The following ZNF517 variants were observed in gnomAD, a reference collection of about 807,000 sequenced individuals.
ZNF517 encodes the protein zinc finger protein 517.
In ZNF517, 12 loss-of-function variants were observed where a neutral mutation model predicts 12.1. That is an observed-to-expected ratio of 0.99 (90% CI 0.63 to 1.61). The LOEUF (loss-of-function observed/expected upper bound fraction) is 1.61. ZNF517 is among the 40% of genes most tolerant of loss of function. The pLI, the probability that ZNF517 is intolerant of heterozygous loss-of-function variation, is 0.00. For synonymous variants in ZNF517, 388 were observed against 310.2 expected, an observed-to-expected ratio of 1.25 and a Z score of -2.63; for missense variants, 781 against 693.2, an observed-to-expected ratio of 1.13 and a Z score of -1.42.
At chr8:144,799,370 G>T (rs923315928) in intron 1 of ZNF517, among the ~76,000 whole-genome samples, 15 of 152,216 alleles carry the variant, frequency 9.9e-5, no homozygotes, top group African/African-American at 3.4e-4. Context: ...CCCTCCCCGG[G>T]TTGGGGCATT....
chr8:144,808,499 C>G lies in ZNF517; in HGVS notation c.*104C>G. On this transcript the variant is annotated 3_prime_UTR_variant, in exon 5 of 5. Transcript: ENST00000359971. The stretch of plus-strand genomic sequence containing the variant: ...CCCTGTCCTGAAGGTGAAGCAAAGT[C>G]TAAAGAAAGGGCCAGCTCCCATCAG... 3 of 1,369,126 alleles carry G rather than the reference C, an allele frequency of 2.2e-6. No individual in the cohort carries two copies. Among genetic ancestry groups the G allele is most frequent in the Non-Finnish European group, 2.8e-6 (3 of 1,060,454 alleles). 84.8% of individuals were successfully genotyped at this position (1,369,126 alleles called of 1,614,324 possible).
Position 144,802,863 on chromosome 8 carries a change from C to T in ZNF517, c.-45-7C>T, listed in dbSNP as rs781509713. 4.3e-6 allele frequency: 7 copies of T among 1,613,356 alleles called. No homozygotes were observed. Among genetic ancestry groups the T allele is most frequent in the South Asian group, 3.3e-5 (3 of 91,046 alleles). Reference sequence around the variant, plus strand: ...CTCTTTCCACTCATGGCTCTATGTTCCCTCAGAATTCACTGTCTGTAGCAT... The same window carrying T: ...CTCTTTCCACTCATGGCTCTATGTTTCCTCAGAATTCACTGTCTGTAGCAT... On this transcript the variant is annotated splice_region_variant and splice_polypyrimidine_tract_variant and intron_variant, in intron 1 of 4. Transcript: ENST00000359971.
At chr8:144,811,228 C>T (rs1827545829), downstream of ZNF517, 2 of 152,478 alleles carry the variant, frequency 1.3e-5, no homozygotes, top group Non-Finnish European at 1.5e-5. Context: ...TCTGTGGACC[C>T]TGTTCACAGA....
At position 144,807,580 on chromosome 8, in the gene ZNF517, C is replaced by G. The variant is rs1020018402; in HGVS notation, c.664C>G (p.Arg222Gly). ...CTTCAAGCAAAGCTCCATCCTGCTG[C>G]GGCACCAGCTGATCCACACTGAGGA... ...KAFKQSSILL[R>G]HQLIHTEEKP... Residue 222 changes from arginine (R) to glycine (G), a missense_variant, in exon 5 of 5, where the codon CGG (arginine) becomes GGG (glycine). Arg to Gly is a moderately radical substitution (Grantham distance 125, BLOSUM62 -2). Coordinates refer to ENST00000359971, the MANE Select transcript of ZNF517 (RefSeq NM_213605.3). The G allele has an allele frequency of 1.9e-6, 3 of 1,602,396 alleles. No individual in the cohort carries two copies. Among genetic ancestry groups the G allele is most frequent in the Non-Finnish European group, 2.6e-6 (3 of 1,175,218 alleles).
At chr8:144,805,330 T>G (rs935190813) in intron 4 of ZNF517, among the ~76,000 whole-genome samples, 14 of 152,162 alleles carry the variant, frequency 9.2e-5, no homozygotes, top group Admixed American at 2.0e-4. Flanking sequence ...GAACAGAGAT[T>G]ATTATTATTA....
Position 144,804,151 on chromosome 8 carries a change from A to T in ZNF517, c.187A>T (p.Ile63Phe), listed in dbSNP as rs200354553. 1 of 1,614,088 alleles carries T rather than the reference A, an allele frequency of 6.2e-7. No homozygotes were observed. Among genetic ancestry groups the T allele is most frequent in the Non-Finnish European group, 8.5e-7 (1 of 1,179,976 alleles). The change falls in exon 4 of 5, where the codon ATC (isoleucine) becomes TTC (phenylalanine). Residue 63 changes from isoleucine to phenylalanine, a missense_variant. Transcript: ENST00000359971. ...LGFLVAKPAL[I>F]SLLEQGEEPG... ...CTTTCTTGTTGCCAAACCAGCACTGATCTCCCTATTGGAGCAAGGAGAGGA... is the reference window on the plus strand; with the variant it reads ...CTTTCTTGTTGCCAAACCAGCACTGTTCTCCCTATTGGAGCAAGGAGAGGA...
downstream of ZNF517, among the ~76,000 whole-genome samples, chr8:144,813,488 C>T (rs1328735963): frequency 6.6e-6 from 1 of 151,992 alleles, no homozygotes; most frequent in Non-Finnish European, 1.5e-5. Flanking sequence ...AAGCAATTTA[C>T]AGATTAAATG....
In ZNF517 at chr8:144,806,324, T is replaced by G. The variant is rs1324929671; in HGVS notation, c.275-867T>G. Among the ~76,000 whole-genome samples, 6 of 152,280 alleles carry G rather than the reference T, an allele frequency of 3.9e-5. No individual in the cohort carries two copies. In the East Asian group the frequency reaches 1.2e-3, roughly 29 times the overall value. ...GAGAGAGGAGTAAAGAACATGGCTG[T>G]GGGGTGAGGTACAACTTGCACCTCA... On this transcript the variant is annotated intron_variant, in intron 4 of 4. Transcript: ENST00000359971.
intron 1 of ZNF517, among the ~76,000 whole-genome samples, chr8:144,802,073 CAT>C (rs1488811589): frequency 6.6e-6 from 1 of 152,156 alleles, no homozygotes; most frequent in Admixed American, 6.6e-5. Context: ...AGGAACCACT[CAT>C]AATTCTATGA....
intron 1 of ZNF517, among the ~76,000 whole-genome samples, chr8:144,802,086 C>T (rs965698395): frequency 2.0e-4 from 31 of 152,164 alleles, no homozygotes; most frequent in African/African-American, 6.3e-4. Flanking sequence ...AATTCTATGA[C>T]GCAGAGAGAG....
chr8:144,806,505 CA>C (rs35022654), intron 4 of ZNF517, among the ~76,000 whole-genome samples: 11,878 of 152,082 alleles, frequency 0.078, 1,039 homozygotes, highest in African/African-American at 0.21. Context: ...TTTTTTGAGA[CA>C]AGAGTTTTGC....
At position 144,804,114 on chromosome 8, in the gene ZNF517, T is replaced by G; in HGVS notation, c.161-11T>G. The G allele has an allele frequency of 6.2e-7, 1 of 1,613,360 alleles. No homozygotes were observed. The highest frequency in any genetic ancestry group is 1.1e-5 in the South Asian group (1 of 90,952). On this transcript the variant is annotated splice_polypyrimidine_tract_variant and intron_variant, in intron 3 of 4. Transcript: ENST00000359971. Reference sequence around the variant, plus strand: ...GTACTGATACGTGCTGCTTTCCTTCTCTGAGCTTAGGCTTTCTTGTTGCCA... The same window carrying G: ...GTACTGATACGTGCTGCTTTCCTTCGCTGAGCTTAGGCTTTCTTGTTGCCA...
downstream of ZNF517, among the ~76,000 whole-genome samples, chr8:144,811,462 C>A (rs2955217): frequency 5.3e-5 from 7 of 131,936 alleles, no homozygotes; most frequent in African/African-American, 2.1e-4. Context: ...GGGAGAGACA[C>A]CGACAGTAAA....
Position 144,804,184 on chromosome 8 carries a change from G to C in ZNF517, c.220G>C (p.Ala74Pro). 6.2e-7 allele frequency: 1 copy of C among 1,614,138 alleles called. No individual in the cohort carries two copies. Among genetic ancestry groups the C allele is most frequent in the Non-Finnish European group, 8.5e-7 (1 of 1,179,996 alleles). The part of the protein sequence containing the change: ...SLLEQGEEPG[A>P]LILQVAEQSV... Reference sequence around the variant, plus strand: ...ATTGGAGCAAGGAGAGGAGCCGGGGGCCTTGATTCTGCAGGTGGCTGAACA... The same window carrying C: ...ATTGGAGCAAGGAGAGGAGCCGGGGCCCTTGATTCTGCAGGTGGCTGAACA... The change falls in exon 4 of 5, where the codon GCC (alanine) becomes CCC (proline). Residue 74 changes from alanine (A) to proline (P), a missense_variant. By Grantham distance (27) the Ala-to-Pro change is conservative. Coordinates refer to ENST00000359971, the MANE Select transcript of ZNF517 (RefSeq NM_213605.3).
At position 144,803,663 on chromosome 8, in the gene ZNF517, T is replaced by C. The variant is rs555577484; in HGVS notation, c.56T>C (p.Val19Ala). Residue 19 changes from valine (V) to alanine (A), a missense_variant, in exon 3 of 5, where the codon GTG becomes GCG. By Grantham distance (64) the Val-to-Ala change is moderately conservative. Coordinates refer to ENST00000359971, the MANE Select transcript of ZNF517 (RefSeq NM_213605.3). Reference protein sequence around the residue: ...GPQEAVVFEDVAVYFTRIEWS... With the variant: ...GPQEAVVFEDAAVYFTRIEWS... ...CAGGAGGCGGTTGTGTTCGAGGATG[T>C]GGCTGTGTACTTCACAAGGATAGAG... 3.7e-6 allele frequency: 6 copies of C among 1,614,110 alleles called. No individual in the cohort carries two copies. In the African/African-American group the frequency reaches 6.7e-5, roughly 18 times the overall value.
At position 144,809,141 on chromosome 8, in the gene ZNF517, G is replaced by C. The variant is rs988169734; in HGVS notation, c.*746G>C. ...AACCTGGTTGACAGAGTGACACCCT[G>C]TTTAAAAAAAAAAAGCCTAGATGGC... On this transcript the variant is annotated 3_prime_UTR_variant, in exon 5 of 5. Transcript: ENST00000359971. 3 of 150,024 alleles carry C rather than the reference G, an allele frequency of 2.0e-5. No individual in the cohort carries two copies. Among genetic ancestry groups the C allele is most frequent in the Admixed American group, 2.0e-4 (3 of 15,130 alleles). The allele number at this position is 150,024 out of a possible 1,614,324, so 9.3% of individuals were successfully genotyped here.
intron 3 of ZNF517, 144 bp downstream of exon 3, chr8:144,803,911 G>A (rs959291675): frequency 1.5e-6 from 2 of 1,296,610 alleles, no homozygotes; most frequent in Non-Finnish European, 1.1e-6. Context: ...TCTGCTTCCT[G>A]TTGGGCACCC....
At chr8:144,810,333 AGACCT>A, downstream of ZNF517, 1 of 534,818 alleles carries the variant, frequency 1.9e-6, no homozygotes, top group African/African-American at 1.9e-5. Context: ...GGGAACATGC[AGACCT>A]GGCCCCTCCA....
chr8:144,807,428 T>G lies in ZNF517; in HGVS notation c.512T>G (p.Val171Gly). Residue 171 changes from valine (V) to glycine (G), a missense_variant, in exon 5 of 5, where the codon GTG becomes GGG. Physicochemically the swap from Val to Gly is moderately radical, Grantham distance 109. Transcript: ENST00000359971. ...CTGCAGGAAGACCTGGGCCGGCCTG[T>G]GGGGAGCTCAGCCCCCCGCTACAGG... ...RVLQEDLGRP[V>G]GSSAPRYRCV... The G allele has an allele frequency of 6.4e-7, 1 of 1,570,352 alleles. No individual in the cohort carries two copies.
Sources: allele counts gnomAD v4.1 joint callset (sites outside exome capture counted in the v4.1 genomes callset), GRCh38; gene constraint gnomAD v4.1.1; transcripts MANE v1.5; gene names NCBI Gene and HGNC (gene_info 2026-07-23, HGNC 2026-07-21).